SEC22A: variants seen among roughly 807,000 people sequenced by gnomAD.
SEC22A encodes vesicle-trafficking protein SEC22a.
In SEC22A, 22 loss-of-function variants were observed where a neutral mutation model predicts 35.3. The observed-to-expected ratio is 0.62, with a 90% confidence interval of 0.45 to 0.89. The LOEUF (loss-of-function observed/expected upper bound fraction) is 0.89, where lower values mean the gene tolerates loss of function less well. SEC22A is among the 40% of genes least tolerant of loss of function. The probability of loss-of-function intolerance (pLI) is 0.00; values close to 1 mark genes in which losing one functional copy is unlikely to be tolerated. For missense variants in SEC22A, 354 were observed against 362.5 expected, an observed-to-expected ratio of 0.98 and a Z score of 0.19; for synonymous variants, 119 against 129.5, an observed-to-expected ratio of 0.92 and a Z score of 0.55.
intron 6 of SEC22A, among the ~76,000 whole-genome samples, chr3:123,262,039 TATG>T (rs1014058914): frequency 3.9e-5 from 6 of 152,208 alleles, no homozygotes; most frequent in Admixed American, 3.3e-4. Flanking sequence ...GCTTTCTAAA[TATG>T]ATGAGCAGGG....
At chr3:123,260,109 G>T (rs1003589223) in intron 6 of SEC22A, among the ~76,000 whole-genome samples, 7 of 115,028 alleles carry the variant, frequency 6.1e-5, no homozygotes, top group Non-Finnish European at 1.2e-4. Flanking sequence ...TCCGGCCTGG[G>T]CAACAGAGCG....
At chr3:123,227,715 A>G (rs192323316) in intron 4 of SEC22A, among the ~76,000 whole-genome samples, 9 of 152,276 alleles carry the variant, frequency 5.9e-5, no homozygotes, top group Non-Finnish European at 1.0e-4. Context: ...TGCAACAAAC[A>G]TGCACCTTTT....
At chr3:123,260,037 CAGG>C (rs1937844865) in intron 6 of SEC22A, among the ~76,000 whole-genome samples, 1 of 143,998 alleles carries the variant, frequency 6.9e-6, no homozygotes, top group South Asian at 2.2e-4. Context: ...GAGGCTGAGA[CAGG>C]AGAATTGCTT....
intron 6 of SEC22A, among the ~76,000 whole-genome samples, chr3:123,262,448 G>A (rs528297901): frequency 1.3e-5 from 2 of 152,236 alleles, no homozygotes; most frequent in South Asian, 2.1e-4. Flanking sequence ...TGCATATAGC[G>A]TGTATAAACA....
intron 6 of SEC22A, among the ~76,000 whole-genome samples, chr3:123,261,408 G>A (rs1937892764): frequency 6.6e-6 from 1 of 152,116 alleles, no homozygotes. Context: ...TCAGAAAGTG[G>A]TAGAGTCAGT....
intron 4 of SEC22A, among the ~76,000 whole-genome samples, chr3:123,233,049 G>C (rs544903747): frequency 5.7e-4 from 86 of 152,212 alleles, no homozygotes; most frequent in Non-Finnish European, 9.9e-4. Context: ...AGAATCATTT[G>C]AGCCCAGGAG....
intron 4 of SEC22A, among the ~76,000 whole-genome samples, chr3:123,233,943 A>G (rs1937370641): frequency 6.6e-6 from 1 of 152,246 alleles, no homozygotes; most frequent in South Asian, 2.1e-4. Context: ...AATCTTTTAT[A>G]TAGAACATTC....
intron 6 of SEC22A, among the ~76,000 whole-genome samples, chr3:123,260,452 C>T (rs1937865925): frequency 6.6e-6 from 1 of 152,106 alleles, no homozygotes; most frequent in South Asian, 2.1e-4. Context: ...AAGGAAGACT[C>T]ACTGGGACTT....
At chr3:123,207,532 G>T (rs1374021216) in intron 1 of SEC22A, among the ~76,000 whole-genome samples, 1 of 152,188 alleles carries the variant, frequency 6.6e-6, no homozygotes, top group Admixed American at 6.5e-5. Flanking sequence ...TTGATGGCCT[G>T]ACAGAGAAGA....
intron 6 of SEC22A, 46 bp from the exon 7 acceptor site, chr3:123,271,476 C>T: frequency 6.7e-7 from 1 of 1,499,706 alleles, no homozygotes; most frequent in South Asian, 1.1e-5. Flanking sequence ...ACATCTGTTT[C>T]TTTTCCTGTA....
intron 2 of SEC22A, among the ~76,000 whole-genome samples, chr3:123,215,464 T>G (rs1937004343): frequency 6.6e-6 from 1 of 152,182 alleles, no homozygotes; most frequent in Non-Finnish European, 1.5e-5. Context: ...TGAGGTACTC[T>G]TATTTGGCTA....
At chr3:123,235,783 G>T (rs756425039) in intron 4 of SEC22A, among the ~76,000 whole-genome samples, 1 of 152,278 alleles carries the variant, frequency 6.6e-6, no homozygotes, top group South Asian at 2.1e-4. Flanking sequence ...AAGCCAAAAA[G>T]TGTAGACACC....
chr3:123,251,001 T>G (rs1320617615), intron 5 of SEC22A, among the ~76,000 whole-genome samples: 2 of 152,214 alleles, frequency 1.3e-5, no homozygotes, highest in African/African-American at 4.8e-5. Context: ...TTTTAAATAT[T>G]TATTAGCACC....
intron 4 of SEC22A, among the ~76,000 whole-genome samples, chr3:123,236,048 G>A (rs528678545): frequency 6.6e-6 from 1 of 152,302 alleles, no homozygotes; most frequent in East Asian, 1.9e-4. Context: ...TAGAGGAATG[G>A]AGGGAAATAG....
rs551345654 is a variant in SEC22A at position 123,255,388 on chromosome 3, C to T, written c.658-4136C>T. Among the ~76,000 whole-genome samples the T allele has an allele frequency of 5.7e-4, 86 of 152,194 alleles. 1 individual carries two copies. Among genetic ancestry groups the T allele is most frequent in the Middle Eastern group, 3.4e-3 (1 of 294 alleles). On this transcript the variant is annotated intron_variant, in intron 5 of 6. Transcript: ENST00000492595. ...GCATTCTCCAGTATTCTGTCCTTGG[C>T]TTTATATTCTTCCAACTCCATGCCC...
At chr3:123,254,489 C>T (rs925450034) in intron 5 of SEC22A, among the ~76,000 whole-genome samples, 5 of 152,156 alleles carry the variant, frequency 3.3e-5, no homozygotes, top group African/African-American at 1.2e-4. Context: ...TCTGTTTCCC[C>T]ACCTCTGTCC....
chr3:123,257,569 G>T (rs996078422), intron 5 of SEC22A, among the ~76,000 whole-genome samples: 5 of 151,956 alleles, frequency 3.3e-5, no homozygotes, highest in Non-Finnish European at 4.4e-5. Context: ...CATGGTGATG[G>T]GTGCCTGTAA....
intron 2 of SEC22A, among the ~76,000 whole-genome samples, chr3:123,217,702 A>G (rs536583534): frequency 6.6e-6 from 1 of 152,370 alleles, no homozygotes; most frequent in South Asian, 2.1e-4. Flanking sequence ...CAAATAATAT[A>G]TCAGTTCATA....
intron 5 of SEC22A, among the ~76,000 whole-genome samples, chr3:123,251,499 G>A (rs1937613228): frequency 6.6e-6 from 1 of 152,172 alleles, no homozygotes; most frequent in Non-Finnish European, 1.5e-5. Flanking sequence ...CTGCCTCTGT[G>A]TTCCCTTAGC....
Sources: allele counts gnomAD v4.1 joint callset (sites outside exome capture counted in the v4.1 genomes callset), GRCh38; gene constraint gnomAD v4.1.1; transcripts MANE v1.5; gene names NCBI Gene and HGNC (gene_info 2026-07-23, HGNC 2026-07-21).